The following DTX3 variants were observed in gnomAD, a reference collection of about 807,000 sequenced individuals.
DTX3 encodes E3 ubiquitin-protein ligase DTX3.
Under a neutral mutation model 27.4 loss-of-function variants are expected in DTX3, and 10 were observed. That is an observed-to-expected ratio of 0.36 (90% CI 0.22 to 0.62). The LOEUF is 0.62. Ranked by LOEUF, DTX3 falls within the 20% of genes least tolerant of loss-of-function variation. The probability of loss-of-function intolerance (pLI) is 0.68; values close to 1 mark genes in which losing one functional copy is unlikely to be tolerated. For missense variants in DTX3, 319 were observed against 463.8 expected, an observed-to-expected ratio of 0.69 and a Z score of 2.87; for synonymous variants, 171 against 190.7, an observed-to-expected ratio of 0.90 and a Z score of 0.85.
rs756267572 is a variant in DTX3, at chr12:57,607,059, G to A, written c.196G>A (p.Gly66Ser). Residue 66 changes from glycine to serine, a missense_variant, in exon 5 of 7, where the codon GGT becomes AGT. Gly to Ser is a moderately conservative substitution (Grantham distance 56). Around this residue, in one of 2 missense-constraint regions of DTX3, gnomAD observed 202 missense variants for 205.3 expected, o/e 0.98. Coordinates refer to ENST00000337737, the MANE Select transcript of DTX3 (RefSeq NM_178502.4). This position sits in a 1 kb window ranked among gnomAD's most constrained non-coding sequence, Gnocchi z 7.7. ...CTATGTTCTCCAGCTTTCCCCACAG[G>A]GTCCTCCCCCGGCCCCTCCAAATGG... is the stretch of plus-strand genomic sequence containing the variant. Reference protein sequence around the residue: ...DIYVLQLSPQGPPPAPPNGLY... With the variant: ...DIYVLQLSPQSPPPAPPNGLY... 5 of 1,614,186 alleles carry A rather than the reference G, an allele frequency of 3.1e-6. No homozygotes were observed. The highest frequency in any genetic ancestry group is 4.2e-6 in the Non-Finnish European group (5 of 1,180,036).
At chr12:57,606,809 C>A in intron 4 of DTX3, 56 bp from the exon 5 acceptor site, 1 of 1,549,760 alleles carries the variant, frequency 6.5e-7, no homozygotes, top group East Asian at 2.3e-5. Context: ...GTAGGAGGCA[C>A]TGATACTTGT....
Position 57,607,604 on chromosome 12 carries a change from T to A in DTX3, c.741T>A (p.Gly247=). 6.2e-7 allele frequency: 1 copy of A among 1,614,082 alleles called. No individual in the cohort carries two copies. The highest frequency in any genetic ancestry group is 8.5e-7 in the Non-Finnish European group (1 of 1,180,016). ...TIVIQYVFPP[G]VQGAEHPNPG... is the part of the protein sequence containing the mutation. ...TCATCCAGTACGTCTTCCCGCCCGG[T>A]GTCCAGGGGGTAAGAAGACCATGGC... The change falls in exon 5 of 7, where the codon GGT becomes GGA. Residue 247 remains glycine, a synonymous_variant. Coordinates refer to ENST00000337737, the MANE Select transcript of DTX3 (RefSeq NM_178502.4). This position sits in a 1 kb window ranked among gnomAD's most constrained non-coding sequence, Gnocchi z 7.7.
In DTX3 at chr12:57,609,429, C is replaced by G. The variant is rs1883920191; in HGVS notation, c.*277C>G. On this transcript the variant is annotated 3_prime_UTR_variant, in exon 7 of 7. Transcript: ENST00000337737. ...ATATACTCCCGGTTTCCCTGCCCCT[C>G]CATTGCCCTTGGCTTTTTCTGGTAT... 1 of 457,160 alleles carries G rather than the reference C, an allele frequency of 2.2e-6. No homozygotes were observed. The highest frequency in any genetic ancestry group is 2.7e-5 in the South Asian group (1 of 37,070). The allele number at this position is 457,160 out of a possible 1,614,324, so 28.3% of individuals were successfully genotyped here. A position where few individuals can be genotyped will look rare whatever the true frequency, so the allele number is the denominator to read the frequency against.
chr12:57,609,056 C>T (rs1461440562), intron 6 of DTX3, 21 bp from the exon 7 acceptor site: 1 of 1,611,784 alleles, frequency 6.2e-7, no homozygotes, highest in Non-Finnish European at 8.5e-7. Context: ...AACCCTCACC[C>T]TCATTTCTCT....
rs1362032060 is a variant in DTX3, at chr12:57,608,552, T to C, written c.783T>C (p.Pro261=). 1 of 1,609,082 alleles carries C rather than the reference T, an allele frequency of 6.2e-7. No individual in the cohort carries two copies. The highest frequency in any genetic ancestry group is 8.5e-7 in the Non-Finnish European group (1 of 1,175,918). ...AEHPNPGVRY[P]GTTRVAYLPD... is the part of the protein sequence containing the mutation. ...ACCCAAACCCAGGAGTTCGGTATCC[T>C]GGCACCACACGGGTGGCCTACCTCC... Residue 261 remains proline (P), a synonymous_variant, in exon 6 of 7, where the codon CCT becomes CCC. Transcript: ENST00000337737. The surrounding 1 kb of genome is among the most constrained non-coding windows in gnomAD (Gnocchi z 6.1).
chr12:57,608,358 C>T lies in DTX3; in HGVS notation c.751-162C>T, dbSNP rs757313837. Among the ~76,000 whole-genome samples the T allele has an allele frequency of 2.0e-5, 3 of 152,210 alleles. No homozygotes were observed. Among genetic ancestry groups the T allele is most frequent in the South Asian group, 2.1e-4 (1 of 4,820 alleles). On this transcript the variant is annotated intron_variant, in intron 5 of 6. Coordinates refer to ENST00000337737, the MANE Select transcript of DTX3 (RefSeq NM_178502.4). This position sits in a 1 kb window ranked among gnomAD's most constrained non-coding sequence, Gnocchi z 6.1. The stretch of plus-strand genomic sequence containing the variant: ...TGAAACAGGCTCTTGCTGCCGAGGC[C>T]GTATAATCTCTCCTTCTGTGGAAAG...
chr12:57,609,357 C>G lies in DTX3; in HGVS notation c.*205C>G. Reference sequence around the variant, plus strand: ...TCAATGCAGTGTGAGCCACTCCCTTCTGGCAGAGGCCGACCTCCAAGGCTC... The same window carrying G: ...TCAATGCAGTGTGAGCCACTCCCTTGTGGCAGAGGCCGACCTCCAAGGCTC... On this transcript the variant is annotated 3_prime_UTR_variant, in exon 7 of 7. Transcript: ENST00000337737. The G allele has an allele frequency of 1.7e-6, 1 of 585,878 alleles. No homozygotes were observed. The highest frequency in any genetic ancestry group is 3.1e-6 in the Non-Finnish European group (1 of 327,130). The allele number at this position is 585,878 out of a possible 1,614,324, so 36.3% of individuals were successfully genotyped here.
chr12:57,608,821 G>T lies in DTX3; in HGVS notation c.968+84G>T, dbSNP rs755865914. 1 of 1,471,940 alleles carries T rather than the reference G, an allele frequency of 6.8e-7. No homozygotes were observed. The highest frequency in any genetic ancestry group is 9.3e-7 in the Non-Finnish European group (1 of 1,071,080). 91.2% of individuals were successfully genotyped at this position (1,471,940 alleles called of 1,614,324 possible). On this transcript the variant is annotated intron_variant, in intron 6 of 6. Transcript: ENST00000337737. The surrounding 1 kb of genome is among the most constrained non-coding windows in gnomAD (Gnocchi z 6.1). Reference sequence around the variant, plus strand: ...AGGGACCCACCAACCCCTCGCTCACGGAGCCTCCTAACTGGAGAGAACCAC... The same window carrying T: ...AGGGACCCACCAACCCCTCGCTCACTGAGCCTCCTAACTGGAGAGAACCAC...
chr12:57,604,960 C>A (rs1476021419), intron 1 of DTX3, 102 bp downstream of exon 1: 1 of 152,122 alleles, frequency 6.6e-6, no homozygotes, highest in African/African-American at 2.4e-5. Flanking sequence ...CCTCCACCTC[C>A]CCTCCCCGCG....
rs1313907152 is a variant in DTX3 at position 57,606,845 on chromosome 12, C to T, written c.2-20C>T. The stretch of plus-strand genomic sequence containing the variant: ...CAAATGGGGACCCCCCACCCTGAGT[C>T]CCTTTCACCCTGGGGGCAGTGTCGT... On this transcript the variant is annotated intron_variant, in intron 4 of 6. Coordinates refer to ENST00000337737, the MANE Select transcript of DTX3 (RefSeq NM_178502.4). 1 of 1,586,506 alleles carries T rather than the reference C, an allele frequency of 6.3e-7. No homozygotes were observed. Among genetic ancestry groups the T allele is most frequent in the Admixed American group, 1.8e-5 (1 of 56,884 alleles).
rs2140215784 is a variant in DTX3, at chr12:57,609,685, AGTCT to A, written c.*538_*541del. ...TCTCTCCTGTGTCTCAGTCTCCGTCAGTCTGTCTTTCTCCGCTCTTCTCTGACCC... is the reference window on the plus strand; with the variant it reads ...TCTCTCCTGTGTCTCAGTCTCCGTCAGTCTTTCTCCGCTCTTCTCTGACCC... On this transcript the variant is annotated 3_prime_UTR_variant, in exon 7 of 7. Coordinates refer to ENST00000337737, the MANE Select transcript of DTX3 (RefSeq NM_178502.4). 1 of 164,376 alleles carries A rather than the reference AGTCT, an allele frequency of 6.1e-6. No individual in the cohort carries two copies. The highest frequency in any genetic ancestry group is 2.4e-5 in the African/African-American group (1 of 41,828). The allele number at this position is 164,376 out of a possible 1,614,324, so 10.2% of individuals were successfully genotyped here. A position where few individuals can be genotyped will look rare whatever the true frequency, so the allele number is the denominator to read the frequency against.
chr12:57,606,250 C>T lies in DTX3; in HGVS notation c.-78C>T. Reference sequence around the variant, plus strand: ...CTGCCATCATCTTCCATGGGCTTTCCAGGTATCTCCCCCGCAAGGGATCCT... The same window carrying T: ...CTGCCATCATCTTCCATGGGCTTTCTAGGTATCTCCCCCGCAAGGGATCCT... On this transcript the variant is annotated splice_region_variant and 5_prime_UTR_variant, in exon 3 of 7. Coordinates refer to ENST00000337737, the MANE Select transcript of DTX3 (RefSeq NM_178502.4). 2.0e-6 allele frequency: 1 copy of T among 490,278 alleles called. No individual in the cohort carries two copies. Among genetic ancestry groups the T allele is most frequent in the Non-Finnish European group, 3.6e-6 (1 of 278,848 alleles). 30.4% of individuals were successfully genotyped at this position (490,278 alleles called of 1,614,324 possible).
At position 57,609,201 on chromosome 12, in the gene DTX3, C is replaced by A; in HGVS notation, c.*49C>A. ...CCTGCTGTCTGCCTCTACTAGGACC[C>A]AGCAGAAGCCTCTTTCTCCTCTCTG... On this transcript the variant is annotated 3_prime_UTR_variant, in exon 7 of 7. Transcript: ENST00000337737. The A allele has an allele frequency of 6.4e-7, 1 of 1,564,960 alleles. No individual in the cohort carries two copies. Among genetic ancestry groups the A allele is most frequent in the Middle Eastern group, 1.7e-4 (1 of 5,914 alleles).
Position 57,606,455 on chromosome 12 carries a change from A to G in DTX3, c.-63A>G. The G allele has an allele frequency of 6.2e-7, 1 of 1,612,696 alleles. No homozygotes were observed. On this transcript the variant is annotated 5_prime_UTR_variant, in exon 4 of 7. Coordinates refer to ENST00000337737, the MANE Select transcript of DTX3 (RefSeq NM_178502.4). The stretch of plus-strand genomic sequence containing the variant: ...TCCGCCCTACCAGGTCACACGACCT[A>G]CAAGTAGGGAGCAGGGAAAGAAGAG...
rs1296311457 is a variant in DTX3, at chr12:57,607,291, C to T, written c.428C>T (p.Pro143Leu). 1 of 1,569,142 alleles carries T rather than the reference C, an allele frequency of 6.4e-7. No individual in the cohort carries two copies. Among genetic ancestry groups the T allele is most frequent in the Admixed American group, 1.8e-5 (1 of 54,250 alleles). The change falls in exon 5 of 7, where the codon CCC becomes CTC. Residue 143 changes from proline (P) to leucine (L), a missense_variant. Pro to Leu is a moderately conservative substitution (Grantham distance 98). Around this residue, in one of 2 missense-constraint regions of DTX3, gnomAD observed 202 missense variants for 205.3 expected, o/e 0.98. Transcript: ENST00000337737. The surrounding 1 kb of genome is among the most constrained non-coding windows in gnomAD (Gnocchi z 7.7). Reference sequence around the variant, plus strand: ...GCTCGGGGGCTCCCCCCTCCTCCTCCCCCCCTGCCCCCACCTCTTCCTCCT... The same window carrying T: ...GCTCGGGGGCTCCCCCCTCCTCCTCTCCCCCTGCCCCCACCTCTTCCTCCT... The part of the protein sequence containing the change: ...PGARGLPPPP[P>L]PLPPPLPPRL...
Position 57,607,755 on chromosome 12 carries a change from C to A in DTX3, c.750+142C>A, listed in dbSNP as rs1883808751. The A allele has an allele frequency of 9.0e-7, 1 of 1,105,584 alleles. No homozygotes were observed. The highest frequency in any genetic ancestry group is 1.3e-6 in the Non-Finnish European group (1 of 763,930). 68.5% of individuals were successfully genotyped at this position (1,105,584 alleles called of 1,614,324 possible). ...TGCCCTCCTACTCAGTGCCCTGGAC[C>A]TAGGAGGTCCCCGTGAGGCCCAGCC... On this transcript the variant is annotated intron_variant, in intron 5 of 6. Coordinates refer to ENST00000337737, the MANE Select transcript of DTX3 (RefSeq NM_178502.4). This position sits in a 1 kb window ranked among gnomAD's most constrained non-coding sequence, Gnocchi z 7.7.
Position 57,607,139 on chromosome 12 carries a change from G to A in DTX3, c.276G>A (p.Glu92=). The change falls in exon 5 of 7, where the codon GAG becomes GAA. Residue 92 remains glutamate (E), a synonymous_variant. Transcript: ENST00000337737. The surrounding 1 kb of genome is among the most constrained non-coding windows in gnomAD (Gnocchi z 7.7). ...GGCTGCTAAAAGAGGCAGAGAAAGA[G>A]CTGAAGAAAGCTCAGAGGCAGGGGG... ...LKGLLKEAEK[E]LKKAQRQGEL... is the part of the protein sequence containing the mutation. 6.2e-7 allele frequency: 1 copy of A among 1,614,172 alleles called. No homozygotes were observed. The highest frequency in any genetic ancestry group is 8.5e-7 in the Non-Finnish European group (1 of 1,180,032).
Position 57,609,242 on chromosome 12 carries a change from A to C in DTX3, c.*90A>C. 6.7e-6 allele frequency: 8 copies of C among 1,192,916 alleles called. No homozygotes were observed. Among genetic ancestry groups the C allele is most frequent in the Non-Finnish European group, 9.8e-6 (8 of 814,340 alleles). 73.9% of individuals were successfully genotyped at this position (1,192,916 alleles called of 1,614,324 possible). A position where few individuals can be genotyped will look rare whatever the true frequency, so the allele number is the denominator to read the frequency against. On this transcript the variant is annotated 3_prime_UTR_variant, in exon 7 of 7. Transcript: ENST00000337737. Reference sequence around the variant, plus strand: ...CTCCTCTCTGCCCCCTGCCCCCCACACCACACCTGTAGGGGACCTGTCTGA... The same window carrying C: ...CTCCTCTCTGCCCCCTGCCCCCCACCCCACACCTGTAGGGGACCTGTCTGA...
Position 57,607,161 on chromosome 12 carries a change from G to A in DTX3, c.298G>A (p.Gly100Arg). 6.2e-7 allele frequency: 1 copy of A among 1,614,038 alleles called. No individual in the cohort carries two copies. Among genetic ancestry groups the A allele is most frequent in the Non-Finnish European group, 8.5e-7 (1 of 1,180,036 alleles). ...AGAGCTGAAGAAAGCTCAGAGGCAG[G>A]GGGAGCTGATGGGCTGCCTGGCTCT... Reference protein sequence around the residue: ...EKELKKAQRQGELMGCLALGG... With the variant: ...EKELKKAQRQRELMGCLALGG... Residue 100 changes from glycine (G) to arginine (R), a missense_variant, in exon 5 of 7, where the codon GGG becomes AGG. Physicochemically the swap from Gly to Arg is moderately radical, Grantham distance 125. Transcript: ENST00000337737. This position sits in a 1 kb window ranked among gnomAD's most constrained non-coding sequence, Gnocchi z 7.7.
Sources: gnomAD v4.1 joint callset for allele counts (sites outside exome capture counted in the v4.1 genomes callset) on GRCh38, gnomAD v4.1.1 for gene constraint, gnomAD v4.1.1 regional missense constraint, Gnocchi (gnomAD v3.1) non-coding constraint, MANE v1.5 for transcripts, NCBI Gene and HGNC (gene_info 2026-07-23, HGNC 2026-07-21) for gene names.